The following SLC5A12 variants were observed in gnomAD, a reference collection of about 807,000 sequenced individuals.
The protein encoded by SLC5A12 is sodium-coupled monocarboxylate transporter 2.
In SLC5A12, 46 loss-of-function variants were observed where a neutral mutation model predicts 72.7. That is an observed-to-expected ratio of 0.63 (90% CI 0.50 to 0.81). The LOEUF is 0.81. Among genes scored for constraint, SLC5A12 ranks in the 30% least tolerant of loss-of-function variants. The pLI is 0.00. For missense variants in SLC5A12, 683 were observed against 740.7 expected (o/e 0.92, Z 0.90); for synonymous variants, 275 against 264.4 (o/e 1.04, Z -0.39).
intron 11 of SLC5A12, among the ~76,000 whole-genome samples, chr11:26,681,431 T>C (rs1430818676): frequency 2.0e-5 from 3 of 152,158 alleles, no homozygotes; most frequent in Admixed American, 6.6e-5. Flanking sequence ...AATGAAGACA[T>C]CAGATAATTT....
intron 13 of SLC5A12, among the ~76,000 whole-genome samples, chr11:26,677,690 ATCT>A (rs1430338277): frequency 2.0e-5 from 3 of 152,166 alleles, no homozygotes; most frequent in Non-Finnish European, 4.4e-5. Context: ...CATAGCCAAG[ATCT>A]TCTTAAATTT....
chr11:26,688,774 G>T (rs1326384075), intron 9 of SLC5A12, among the ~76,000 whole-genome samples: 1 of 152,072 alleles, frequency 6.6e-6, no homozygotes, highest in East Asian at 1.9e-4. Flanking sequence ...GATGAAGATG[G>T]ATCCGGGTAT....
intron 14 of SLC5A12, among the ~76,000 whole-genome samples, chr11:26,672,275 A>G (rs1260078765): frequency 7.2e-6 from 1 of 139,804 alleles, no homozygotes; most frequent in Non-Finnish European, 1.6e-5. Context: ...GCAATGGACA[A>G]CTCAGAAATA....
chr11:26,678,630 G>A (rs1051122375), intron 13 of SLC5A12, 82 bp downstream of exon 13: 19 of 1,006,016 alleles, frequency 1.9e-5, no homozygotes, highest in Non-Finnish European at 2.3e-5. Context: ...TGAATTCAAA[G>A]CAATAAGACA....
At chr11:26,705,748 A>T (rs1387266065) in intron 4 of SLC5A12, among the ~76,000 whole-genome samples, 1 of 152,120 alleles carries the variant, frequency 6.6e-6, no homozygotes, top group East Asian at 1.9e-4. Flanking sequence ...ACAAAATGTC[A>T]AAGGCCTCTG....
Position 26,669,126 on chromosome 11 carries a change from G to GT in SLC5A12, c.*1975dup, listed in dbSNP as rs1208565332. Reference sequence around the variant, plus strand: ...ATTTATTCTCATCCTCAGAATTGCTGTTTTTTTATTCTTTCTGTCTCTCTC... The same window carrying GT: ...ATTTATTCTCATCCTCAGAATTGCTGTTTTTTTTATTCTTTCTGTCTCTCTC... On this transcript the variant is annotated 3_prime_UTR_variant, in exon 15 of 15. Coordinates refer to ENST00000396005, the MANE Select transcript of SLC5A12 (RefSeq NM_178498.4). 7.3e-6 allele frequency: 1 copy of GT among 137,496 alleles called. No homozygotes were observed. Among genetic ancestry groups the GT allele is most frequent in the Non-Finnish European group, 1.6e-5 (1 of 62,118 alleles). The allele number at this position is 137,496 out of a possible 1,614,324, so 8.5% of individuals were successfully genotyped here. A position where few individuals can be genotyped will look rare whatever the true frequency, so the allele number is the denominator to read the frequency against.
intron 1 of SLC5A12, among the ~76,000 whole-genome samples, chr11:26,717,523 G>A (rs72884825): frequency 0.055 from 8,430 of 152,166 alleles, 340 homozygotes; most frequent in Non-Finnish European, 0.075. Context: ...ATCACTTGAG[G>A]GTGAGAAGAA....
chr11:26,690,598 G>A (rs912747252), intron 9 of SLC5A12, among the ~76,000 whole-genome samples: 12 of 149,426 alleles, frequency 8.0e-5, no homozygotes, highest in Non-Finnish European at 1.0e-4. Flanking sequence ...ATCACCTGAG[G>A]TTGGGACTTC....
intron 7 of SLC5A12, 75 bp downstream of exon 7, chr11:26,698,330 AG>A: frequency 6.5e-7 from 1 of 1,543,908 alleles, no homozygotes; most frequent in East Asian, 2.3e-5. Context: ...AAAAAGAGAA[AG>A]GCCAAGATTA....
intron 12 of SLC5A12, among the ~76,000 whole-genome samples, chr11:26,680,669 CA>C (rs1325986443): frequency 3.9e-5 from 6 of 152,024 alleles, no homozygotes; most frequent in African/African-American, 1.2e-4. Context: ...GCCATAGGTT[CA>C]CAGCGGTGCT....
chr11:26,689,603 G>A (rs919701996), intron 9 of SLC5A12, among the ~76,000 whole-genome samples: 3 of 152,082 alleles, frequency 2.0e-5, no homozygotes, highest in African/African-American at 7.2e-5. Flanking sequence ...TTACACAGGT[G>A]TATGCATTCG....
intron 1 of SLC5A12, among the ~76,000 whole-genome samples, chr11:26,715,162 C>T (rs1855321125): frequency 1.3e-5 from 2 of 152,044 alleles, no homozygotes; most frequent in Non-Finnish European, 2.9e-5. Context: ...TATGATAATG[C>T]CAGGTACAGA....
chr11:26,683,727 G>A, intron 11 of SLC5A12, 30 bp downstream of exon 11: 1 of 1,544,282 alleles, frequency 6.5e-7, no homozygotes. Context: ...TTTTGACTGG[G>A]AATTGTGAAG....
intron 9 of SLC5A12, 39 bp downstream of exon 9, chr11:26,692,450 T>A (rs770662673): frequency 5.5e-5 from 76 of 1,379,626 alleles, no homozygotes; most frequent in Non-Finnish European, 6.9e-5. Context: ...ACATGTACAT[T>A]TCATGATATG....
At chr11:26,702,897 C>A (rs1448697881) in intron 6 of SLC5A12, among the ~76,000 whole-genome samples, 1 of 152,146 alleles carries the variant, frequency 6.6e-6, no homozygotes, top group Non-Finnish European at 1.5e-5. Flanking sequence ...TACTCAGAAA[C>A]CACCAACTAA....
rs76831336 is a variant in SLC5A12 at position 26,669,155 on chromosome 11, C to G, written c.*1947G>C. 1 of 72,236 alleles carries G rather than the reference C, an allele frequency of 1.4e-5. No individual in the cohort carries two copies. The highest frequency in any genetic ancestry group is 3.6e-5 in the African/African-American group (1 of 27,860). The allele number at this position is 72,236 out of a possible 1,614,324, so 4.5% of individuals were successfully genotyped here. ...TTTTATTCTTTCTGTCTCTCTCTTC[C>G]TCTTCCTGTCTTTTTCTTTCTTTCT... On this transcript the variant is annotated 3_prime_UTR_variant, in exon 15 of 15. Coordinates refer to ENST00000396005, the MANE Select transcript of SLC5A12 (RefSeq NM_178498.4).
Position 26,716,590 on chromosome 11 carries a change from A to G in SLC5A12, c.340-3884T>C, listed in dbSNP as rs375137865. 9.9e-5 allele frequency among the ~76,000 whole-genome samples: 15 copies of G among 152,228 alleles called. No individual in the cohort carries two copies. In the East Asian group the frequency reaches 2.3e-3, roughly 24 times the overall value. On this transcript the variant is annotated intron_variant, in intron 1 of 14. Transcript: ENST00000396005. ...ATGATGGATTATTTTCAGAACCCCA[A>G]ACTTGATCCAGCCATACTCTTTTCC... is the stretch of plus-strand genomic sequence containing the variant.
intron 8 of SLC5A12, among the ~76,000 whole-genome samples, 155 bp downstream of exon 8, chr11:26,697,009 C>A (rs894871988): frequency 6.6e-6 from 1 of 152,186 alleles, no homozygotes; most frequent in Non-Finnish European, 1.5e-5. Context: ...ATTCTAGGCT[C>A]ATATGTTGTG....
chr11:26,670,403 A>C lies in SLC5A12; in HGVS notation c.*699T>G, dbSNP rs960467640. The C allele has an allele frequency of 1.3e-5, 2 of 152,132 alleles. No homozygotes were observed. The highest frequency in any genetic ancestry group is 4.8e-5 in the African/African-American group (2 of 41,456). 9.4% of individuals were successfully genotyped at this position (152,132 alleles called of 1,614,324 possible). A position where few individuals can be genotyped will look rare whatever the true frequency, so the allele number is the denominator to read the frequency against. On this transcript the variant is annotated 3_prime_UTR_variant, in exon 15 of 15. Transcript: ENST00000396005. ...AAGGAAGAAGACATACTGCATGGAC[A>C]GCACAAAAGGAGCAAAGTTTTTAGT... is the stretch of plus-strand genomic sequence containing the variant.
Sources: allele counts gnomAD v4.1 joint callset (sites outside exome capture counted in the v4.1 genomes callset), GRCh38; gene constraint gnomAD v4.1.1; transcripts MANE v1.5; gene names NCBI Gene and HGNC (gene_info 2026-07-23, HGNC 2026-07-21).